Variants in TOGARAM2 observed in about 807,000 individuals in gnomAD.
TOGARAM2 encodes TOG array regulator of axonemal microtubules protein 2.
In TOGARAM2, 85 loss-of-function variants were observed where a neutral mutation model predicts 93.3. That is an observed-to-expected ratio of 0.91 (90% CI 0.76 to 1.09). TOGARAM2 has a LOEUF of 1.09. TOGARAM2 is among the 50% of genes least tolerant of loss of function. TOGARAM2 has a pLI of 0.00. For missense variants in TOGARAM2, 1,277 were observed against 1,334.5 expected, an observed-to-expected ratio of 0.96 and a Z score of 0.67; for synonymous variants, 593 against 552.8, an observed-to-expected ratio of 1.07 and a Z score of -1.02.
intron 2 of TOGARAM2, among the ~76,000 whole-genome samples, chr2:28,997,847 A>C (rs772116801): frequency 5.9e-5 from 9 of 152,026 alleles, no homozygotes; most frequent in Non-Finnish European, 1.2e-4. Flanking sequence ...CCCATGAAGG[A>C]GATGAAAAGG....
intron 3 of TOGARAM2, among the ~76,000 whole-genome samples, 170 bp downstream of exon 3, chr2:28,998,423 G>A (rs1418205184): frequency 1.3e-5 from 2 of 152,244 alleles, no homozygotes; most frequent in East Asian, 1.9e-4. Flanking sequence ...TTTTGATCCT[G>A]TGCCTCAGAG....
At chr2:28,996,347 C>T (rs937005437) in intron 2 of TOGARAM2, among the ~76,000 whole-genome samples, 2 of 152,154 alleles carry the variant, frequency 1.3e-5, no homozygotes, top group African/African-American at 2.4e-5. Context: ...CTCATTCCTT[C>T]TATCTAACTG....
chr2:29,005,602 AGCATGCATGTGAGT>A (rs1403727294), intron 6 of TOGARAM2, among the ~76,000 whole-genome samples: 2 of 51,434 alleles, frequency 3.9e-5, no homozygotes, highest in Non-Finnish European at 9.4e-5. Flanking sequence ...TGCATGTGTG[AGCATGCATGTGAGT>A]GCATGTGTGG....
chr2:29,017,936 G>A lies in TOGARAM2; in HGVS notation c.1340G>A (p.Arg447His), dbSNP rs376986385. 7.7e-5 allele frequency: 124 copies of A among 1,604,586 alleles called. No individual in the cohort carries two copies. Among genetic ancestry groups the A allele is most frequent in the Non-Finnish European group, 1.0e-4 (117 of 1,175,220 alleles). Residue 447 changes from arginine to histidine, a missense_variant, in exon 10 of 20, where the codon CGC becomes CAC. Transcript: ENST00000379558. ...ATCCCCATCAGCCGGCAGGAGCCCC[G>A]CTTTGCCCGCCACGCCTCAGGTGGG... Reference protein sequence around the residue: ...PSIPISRQEPRFARHASANSL... With the variant: ...PSIPISRQEPHFARHASANSL...
intron 1 of TOGARAM2, among the ~76,000 whole-genome samples, chr2:28,987,375 C>T (rs141839343): frequency 1.1e-4 from 16 of 152,020 alleles, no homozygotes; most frequent in Non-Finnish European, 1.9e-4. Flanking sequence ...CTGCAAACTC[C>T]GCCTCCCAGG....
Position 28,969,208 on chromosome 2 carries a change from T to A in TOGARAM2, c.-147+12511T>A, listed in dbSNP as rs116303684. ...GTCAGGAGATTTGCAAGGTTTGCAGTGCAGGCCATCTCTGGGGGATTGAAA... is the reference window on the plus strand; with the variant it reads ...GTCAGGAGATTTGCAAGGTTTGCAGAGCAGGCCATCTCTGGGGGATTGAAA... On this transcript the variant is annotated intron_variant, in intron 1 of 6. Coordinates refer to the TOGARAM2 transcript ENST00000401723. 7.8e-3 allele frequency among the ~76,000 whole-genome samples: 1,181 copies of A among 152,352 alleles called. 7 individuals carry two copies. Among genetic ancestry groups the A allele is most frequent in the Non-Finnish European group, 9.7e-3 (661 of 68,034 alleles).
intron 10 of TOGARAM2, among the ~76,000 whole-genome samples, chr2:29,021,016 C>T (rs759101041): frequency 6.6e-6 from 1 of 152,078 alleles, no homozygotes; most frequent in Non-Finnish European, 1.5e-5. Context: ...CGAGTTCAAG[C>T]GATTCTCCTG....
intron 3 of TOGARAM2, among the ~76,000 whole-genome samples, chr2:28,998,749 T>C (rs961400144): frequency 1.3e-5 from 2 of 152,172 alleles, no homozygotes; most frequent in African/African-American, 4.8e-5. Context: ...CTCTCCCATC[T>C]GGTGTGTCTG....
intron 18 of TOGARAM2, among the ~76,000 whole-genome samples, chr2:29,038,949 A>G (rs574140636): frequency 6.6e-6 from 1 of 152,322 alleles, no homozygotes; most frequent in African/African-American, 2.4e-5. Flanking sequence ...AGGGGGACTC[A>G]TTGCCAGGGA....
At chr2:28,961,006 CTTTCTT>C (rs1671798779) in intron 1 of TOGARAM2, among the ~76,000 whole-genome samples, 1 of 152,094 alleles carries the variant, frequency 6.6e-6, no homozygotes, top group African/African-American at 2.4e-5. Context: ...ATGACAAAGT[CTTTCTT>C]TTTCTTTTTT....
chr2:28,992,845 A>G (rs1672801613), intron 1 of TOGARAM2, among the ~76,000 whole-genome samples: 1 of 152,204 alleles, frequency 6.6e-6, no homozygotes, highest in Admixed American at 6.5e-5. Context: ...AGATTACTTG[A>G]GGCCAGAAGT....
intron 1 of TOGARAM2, among the ~76,000 whole-genome samples, chr2:28,983,754 C>T (rs1022743381): frequency 2.0e-5 from 3 of 152,146 alleles, no homozygotes; most frequent in Admixed American, 1.3e-4. Context: ...AGGGTTTGTG[C>T]CCATTTGCAT....
In TOGARAM2 at chr2:29,003,682, G is replaced by A. The variant is rs576185513; in HGVS notation, c.830G>A (p.Arg277Gln). The change falls in exon 6 of 20, where the codon CGA becomes CAA. Residue 277 changes from arginine to glutamine, a missense_variant and splice_region_variant. Arg to Gln is a conservative substitution (Grantham distance 43). Transcript: ENST00000379558. ...ACAGGCCTGAGGGCCCCACGCACGC[G>A]GTAAGAGCTCCAAGTCAAACCTTCC... is the stretch of plus-strand genomic sequence containing the variant. ...VLTGLRAPRT[R>Q]LARGSGPREK... The A allele has an allele frequency of 9.2e-6, 14 of 1,524,836 alleles. No homozygotes were observed. The highest frequency in any genetic ancestry group is 5.7e-5 in the African/African-American group (4 of 70,318). 94.5% of individuals were successfully genotyped at this position (1,524,836 alleles called of 1,614,324 possible).
chr2:29,030,731 G>T (rs1240141735), intron 14 of TOGARAM2, among the ~76,000 whole-genome samples: 1 of 152,170 alleles, frequency 6.6e-6, no homozygotes, highest in Non-Finnish European at 1.5e-5. Context: ...TGCTGCCAAG[G>T]TGTCTTTAGT....
Position 29,036,564 on chromosome 2 carries a change from G to A in TOGARAM2, c.2442G>A (p.Arg814=), listed in dbSNP as rs570290409. The change falls in exon 18 of 20, where the codon AGG becomes AGA. Residue 814 remains arginine (R), a synonymous_variant. Coordinates refer to ENST00000379558, the MANE Select transcript of TOGARAM2 (RefSeq NM_199280.4). ...AGGTCTTTGATGCTTTCACCCCAAGGCTTCAGGATTCCAACAAGAAAGTGA... is the reference window on the plus strand; with the variant it reads ...AGGTCTTTGATGCTTTCACCCCAAGACTTCAGGATTCCAACAAGAAAGTGA... The part of the protein sequence containing the change: ...LVQVFDAFTP[R]LQDSNKKVNQ... 1.9e-6 allele frequency: 3 copies of A among 1,613,834 alleles called. No individual in the cohort carries two copies. The highest frequency in any genetic ancestry group is 2.5e-6 in the Non-Finnish European group (3 of 1,179,890).
intron 1 of TOGARAM2, among the ~76,000 whole-genome samples, chr2:28,959,694 G>T (rs1190323444): frequency 3.9e-5 from 6 of 152,156 alleles, no homozygotes; most frequent in Admixed American, 3.9e-4. Flanking sequence ...AGTGAGCTGA[G>T]ATCGTGCCAC....
At chr2:28,992,359 G>A (rs888923225) in intron 1 of TOGARAM2, among the ~76,000 whole-genome samples, 3 of 152,208 alleles carry the variant, frequency 2.0e-5, no homozygotes, top group African/African-American at 7.2e-5. Flanking sequence ...CTGAAGGGTC[G>A]AAGGTGTAGA....
chr2:29,025,031 C>G (rs1464553992), intron 13 of TOGARAM2, among the ~76,000 whole-genome samples: 4 of 152,202 alleles, frequency 2.6e-5, no homozygotes, highest in Admixed American at 2.0e-4. Context: ...TTCTCCCGCA[C>G]AGCAAAAGGC....
At chr2:28,991,449 G>C (rs1280060681) in intron 1 of TOGARAM2, among the ~76,000 whole-genome samples, 1 of 152,192 alleles carries the variant, frequency 6.6e-6, no homozygotes, top group Non-Finnish European at 1.5e-5. Context: ...CCTCAGCCTG[G>C]CTCACCCCTC....
Sources: gnomAD v4.1 joint callset for allele counts (sites outside exome capture counted in the v4.1 genomes callset) on GRCh38, gnomAD v4.1.1 for gene constraint, MANE v1.5 for transcripts, NCBI Gene and HGNC (gene_info 2026-07-23, HGNC 2026-07-21) for gene names.